WDR27: variants seen among roughly 807,000 people sequenced by gnomAD.
WDR27 encodes the protein WD repeat-containing protein 27.
In WDR27, 100 loss-of-function variants were observed where a neutral mutation model predicts 114.4. The observed-to-expected ratio is 0.87, with a 90% CI of 0.74 to 1.03. WDR27 has a LOEUF of 1.03. Ranked by LOEUF, WDR27 falls within the 50% of genes least tolerant of loss-of-function variation. WDR27 has a pLI of 0.00. For synonymous variants in WDR27, 449 were observed against 423.1 expected (o/e 1.06, Z -0.75); for missense variants, 1,129 against 1,092.9 (o/e 1.03, Z -0.47).
intron 2 of WDR27, among the ~76,000 whole-genome samples, chr6:169,679,336 CTT>C (rs1780867661): frequency 6.6e-6 from 1 of 152,184 alleles, no homozygotes; most frequent in East Asian, 1.9e-4. Context: ...AAGTTTGACT[CTT>C]TTCGTCGACA....
At chr6:169,500,739 A>T (rs1791079336) in intron 25 of WDR27, among the ~76,000 whole-genome samples, 1 of 152,168 alleles carries the variant, frequency 6.6e-6, no homozygotes, top group South Asian at 2.1e-4. Context: ...GGCACACGAC[A>T]TGGTGGAGAC....
At chr6:169,637,761 A>G (rs1818006130) in intron 18 of WDR27, among the ~76,000 whole-genome samples, 1 of 151,990 alleles carries the variant, frequency 6.6e-6, no homozygotes, top group South Asian at 2.1e-4. Context: ...AAGTGTGCGT[A>G]TGTGTATGCA....
Position 169,606,003 on chromosome 6 carries a change from A to G in WDR27, c.2322-3682T>C, listed in dbSNP as rs1485816691. ...GTGTAAAACCTGAAACTATAAAAAT[A>G]CTAGAAGAAATTCTAGAAAAAACAC... On this transcript the variant is annotated intron_variant, in intron 22 of 25. Coordinates refer to ENST00000448612, the MANE Select transcript of WDR27 (RefSeq NM_182552.5). Among the ~76,000 whole-genome samples, 3 of 152,172 alleles carry G rather than the reference A, an allele frequency of 2.0e-5. No individual in the cohort carries two copies. The East Asian group carries it at 5.8e-4, about 29-fold the overall frequency.
chr6:169,676,284 T>A (rs879130349), intron 2 of WDR27, among the ~76,000 whole-genome samples: 1 of 152,168 alleles, frequency 6.6e-6, no homozygotes, highest in Non-Finnish European at 1.5e-5. Context: ...CAAATTCCTA[T>A]CTAAGGGGCT....
At chr6:169,606,533 A>C (rs1809223218) in intron 22 of WDR27, among the ~76,000 whole-genome samples, 1 of 152,144 alleles carries the variant, frequency 6.6e-6, no homozygotes, top group Admixed American at 6.5e-5. Flanking sequence ...CTCATTGTTC[A>C]GCTCCCACTT....
chr6:169,647,687 T>C, intron 16 of WDR27, 86 bp downstream of exon 16: 3 of 1,149,786 alleles, frequency 2.6e-6, no homozygotes, highest in South Asian at 2.6e-5. Context: ...TTTACAATTA[T>C]GATACAATAG....
At chr6:169,508,494 A>G (rs754020618) in intron 25 of WDR27, among the ~76,000 whole-genome samples, 2 of 152,202 alleles carry the variant, frequency 1.3e-5, no homozygotes. Flanking sequence ...TCAATGACTC[A>G]ACAAATGTTA....
intron 25 of WDR27, among the ~76,000 whole-genome samples, chr6:169,502,635 A>C (rs367770306): frequency 6.6e-6 from 1 of 151,966 alleles, no homozygotes; most frequent in South Asian, 2.1e-4. Flanking sequence ...CATCCTTCGG[A>C]GGCGGAAGCG....
intron 2 of WDR27, among the ~76,000 whole-genome samples, chr6:169,679,537 T>C (rs1244226502): frequency 1.3e-5 from 2 of 152,172 alleles, no homozygotes; most frequent in Non-Finnish European, 2.9e-5. Context: ...TGATCCCTCA[T>C]GGCTTAATGC....
intron 25 of WDR27, among the ~76,000 whole-genome samples, chr6:169,514,326 T>C (rs1298618715): frequency 6.6e-6 from 1 of 151,114 alleles, no homozygotes; most frequent in Non-Finnish European, 1.5e-5. Context: ...ACTGACAAAA[T>C]ATATTTTTTA....
At chr6:169,541,367 G>A (rs1168705212) in intron 25 of WDR27, among the ~76,000 whole-genome samples, 1 of 152,216 alleles carries the variant, frequency 6.6e-6, no homozygotes, top group Non-Finnish European at 1.5e-5. Context: ...TCTGAGCTGT[G>A]TATCAGTGAA....
intron 25 of WDR27, among the ~76,000 whole-genome samples, chr6:169,462,678 C>T (rs577992396): frequency 1.3e-5 from 2 of 152,256 alleles, no homozygotes; most frequent in Non-Finnish European, 2.9e-5. Context: ...AGAAAACAGA[C>T]CCATATTCCT....
chr6:169,492,970 A>G (rs1437556799), intron 25 of WDR27, among the ~76,000 whole-genome samples: 1 of 152,122 alleles, frequency 6.6e-6, no homozygotes, highest in Non-Finnish European at 1.5e-5. Context: ...ATGCAGAGAC[A>G]TAAAAGGAGA....
chr6:169,481,737 G>A (rs1160385562), intron 25 of WDR27, among the ~76,000 whole-genome samples: 2 of 151,960 alleles, frequency 1.3e-5, no homozygotes, highest in Admixed American at 6.6e-5. Context: ...CCAGACGGGA[G>A]GAATGAACAA....
intron 21 of WDR27, among the ~76,000 whole-genome samples, chr6:169,628,387 C>T (rs984203009): frequency 3.3e-5 from 5 of 152,182 alleles, no homozygotes; most frequent in Non-Finnish European, 5.9e-5. Flanking sequence ...GAGCCTCATG[C>T]GCATCAGCCC....
At chr6:169,669,889 G>A (rs967085629) in intron 4 of WDR27, 2 of 151,912 alleles carry the variant, frequency 1.3e-5, no homozygotes, top group East Asian at 1.9e-4. Context: ...ATTCCATGCC[G>A]AACATCCTTC....
intron 25 of WDR27, among the ~76,000 whole-genome samples, chr6:169,557,447 C>T (rs930773991): frequency 2.0e-5 from 3 of 152,108 alleles, no homozygotes; most frequent in South Asian, 2.1e-4. Flanking sequence ...ACCTGTGATG[C>T]GGGACTGGGG....
rs147670028 is a variant in WDR27 at position 169,467,599 on chromosome 6, G to A, written c.2646-9965C>T. On this transcript the variant is annotated intron_variant, in intron 25 of 25. Transcript: ENST00000448612. ...CTGTATGTTGGCCCCTTTTAGCCAC[G>A]GCTGTGATGCAGGGCACCAAGTCCT... is the stretch of plus-strand genomic sequence containing the variant. 1.9e-3 allele frequency among the ~76,000 whole-genome samples: 289 copies of A among 152,272 alleles called. 1 individual carries two copies. The highest frequency in any genetic ancestry group is 6.6e-3 in the African/African-American group (273 of 41,570).
At chr6:169,650,438 T>A (rs1284202059) in intron 14 of WDR27, among the ~76,000 whole-genome samples, 1 of 132,908 alleles carries the variant, frequency 7.5e-6, no homozygotes, top group Non-Finnish European at 1.6e-5. Flanking sequence ...CCACCTCTCA[T>A]CTCTCCATCC....
Sources: gnomAD v4.1 joint callset for allele counts (sites outside exome capture counted in the v4.1 genomes callset) on GRCh38, gnomAD v4.1.1 for gene constraint, MANE v1.5 for transcripts, NCBI Gene and HGNC (gene_info 2026-07-23, HGNC 2026-07-21) for gene names.